Variants in TGIF2 observed in about 807,000 individuals in gnomAD.
TGIF2 encodes homeobox protein TGIF2.
TGIF2 carries 5 observed loss-of-function variants against 15.1 expected under a neutral mutation model. The observed-to-expected ratio is 0.33, with a 90% CI of 0.17 to 0.70. The LOEUF (loss-of-function observed/expected upper bound fraction) is 0.70. Among genes scored for constraint, TGIF2 ranks in the 30% least tolerant of loss-of-function variants. The pLI is 0.67. For synonymous variants in TGIF2, 131 were observed against 128.9 expected, an observed-to-expected ratio of 1.02 and a Z score of -0.11; for missense variants, 264 against 302.5, an observed-to-expected ratio of 0.87 and a Z score of 0.94.
chr20:36,587,691 C>A (rs74604957), intron 2 of TGIF2, among the ~76,000 whole-genome samples: 1 of 152,110 alleles, frequency 6.6e-6, no homozygotes, highest in African/African-American at 2.4e-5. Flanking sequence ...TGAACCTCTC[C>A]GATCTGTTTC....
chr20:36,574,078 T>C (rs2038358981), intron 1 of TGIF2, among the ~76,000 whole-genome samples: 1 of 150,176 alleles, frequency 6.7e-6, no homozygotes, highest in Non-Finnish European at 1.5e-5. Flanking sequence ...GGGGGACGGA[T>C]TTGTTTGGTT....
chr20:36,577,202 ATTTTTTTC>A (rs1456052560), intron 1 of TGIF2, among the ~76,000 whole-genome samples: 1 of 150,074 alleles, frequency 6.7e-6, no homozygotes, highest in Non-Finnish European at 1.5e-5. Context: ...TTATTTTTTT[ATTTTTTTC>A]TTTTGTTGAG....
Position 36,592,539 on chromosome 20 carries a change from A to G in TGIF2, c.*1108A>G, listed in dbSNP as rs1239257169. ...CTCCTACTTGGGAGAAAAGTGAGCC[A>G]TCTGCTGGTCAGGAAGTCCTCCAGA... On this transcript the variant is annotated 3_prime_UTR_variant, in exon 3 of 3. Transcript: ENST00000373872. 6.6e-6 allele frequency: 1 copy of G among 152,600 alleles called. No homozygotes were observed. The highest frequency in any genetic ancestry group is 1.5e-5 in the Non-Finnish European group (1 of 68,054). 9.5% of individuals were successfully genotyped at this position (152,600 alleles called of 1,614,324 possible).
intron 2 of TGIF2, among the ~76,000 whole-genome samples, chr20:36,579,760 A>G (rs1348974663): frequency 1.3e-5 from 2 of 152,150 alleles, no homozygotes; most frequent in East Asian, 3.8e-4. Flanking sequence ...GTAAAGGGGC[A>G]GGGGGTACAC....
chr20:36,583,474 A>G (rs965576413), intron 2 of TGIF2, among the ~76,000 whole-genome samples: 1 of 151,368 alleles, frequency 6.6e-6, no homozygotes, highest in African/African-American at 2.4e-5. Flanking sequence ...GAAAAAAAAA[A>G]AAAAGGCTGG....
At chr20:36,576,130 T>C (rs932521723) in intron 1 of TGIF2, among the ~76,000 whole-genome samples, 1 of 152,058 alleles carries the variant, frequency 6.6e-6, no homozygotes, top group African/African-American at 2.4e-5. Flanking sequence ...AGAAAATCTT[T>C]GTTGCACGTG....
Position 36,593,138 on chromosome 20 carries a change from GT to G in TGIF2, c.*1709del, listed in dbSNP as rs1297185130. 1 of 152,572 alleles carries G rather than the reference GT, an allele frequency of 6.6e-6. No homozygotes were observed. Among genetic ancestry groups the G allele is most frequent in the Non-Finnish European group, 1.5e-5 (1 of 68,028 alleles). The allele number at this position is 152,572 out of a possible 1,614,324, so 9.5% of individuals were successfully genotyped here. On this transcript the variant is annotated 3_prime_UTR_variant, in exon 3 of 3. Coordinates refer to ENST00000373872, the MANE Select transcript of TGIF2 (RefSeq NM_021809.7). ...ATATCCTAAGAAACACTAATCCTAG[GT>G]TATTGCTAGCCAAAATATTTTTGTC...
At chr20:36,589,360 A>G (rs1201932371) in intron 2 of TGIF2, among the ~76,000 whole-genome samples, 4 of 152,020 alleles carry the variant, frequency 2.6e-5, no homozygotes, top group Non-Finnish European at 5.9e-5. Flanking sequence ...AGAAGCCTTG[A>G]AGAGCAGCAG....
At chr20:36,578,687 G>T (rs892408716) in intron 1 of TGIF2, 54 bp from the exon 2 acceptor site, 2 of 1,499,476 alleles carry the variant, frequency 1.3e-6, no homozygotes, top group Admixed American at 2.2e-5. Context: ...TTGGAGACTA[G>T]GAAAAGGCGG....
chr20:36,581,634 G>C (rs1569532265), intron 2 of TGIF2, among the ~76,000 whole-genome samples: 1 of 151,194 alleles, frequency 6.6e-6, no homozygotes, highest in Non-Finnish European at 1.5e-5. Context: ...TTATTTATCT[G>C]TGTGTGTGTG....
chr20:36,588,824 C>G (rs1479184949), intron 2 of TGIF2, among the ~76,000 whole-genome samples: 1 of 152,172 alleles, frequency 6.6e-6, no homozygotes, highest in Non-Finnish European at 1.5e-5. Context: ...AAGACAGGAC[C>G]AGAAGAAGGA....
upstream of TGIF2, chr20:36,573,468 C>G (rs1479705914): frequency 1.4e-5 from 2 of 147,378 alleles, no homozygotes; most frequent in African/African-American, 2.5e-5. Context: ...CGAAGCCCCT[C>G]GGCGCCGACG....
At chr20:36,586,050 C>T (rs918437360) in intron 2 of TGIF2, among the ~76,000 whole-genome samples, 2 of 152,192 alleles carry the variant, frequency 1.3e-5, no homozygotes, top group Non-Finnish European at 2.9e-5. Flanking sequence ...TAGTGGTCAG[C>T]TGTGGGGGAG....
chr20:36,574,439 TGGGGGGGG>T, intron 1 of TGIF2: 1 of 7,990 alleles, frequency 1.3e-4, no homozygotes, highest in South Asian at 5.4e-3. Context: ...GGCGCAGGGC[TGGGGGGGG>T]GGGGGCGGCG....
chr20:36,582,559 A>T (rs2038568540), intron 2 of TGIF2, among the ~76,000 whole-genome samples: 1 of 152,090 alleles, frequency 6.6e-6, no homozygotes, highest in East Asian at 1.9e-4. Context: ...TTAGGCCCCG[A>T]TGCTCCTACT....
In TGIF2 at chr20:36,591,001, G is replaced by A. The variant is rs1431415901; in HGVS notation, c.284G>A (p.Arg95His). The A allele has an allele frequency of 4.4e-6, 7 of 1,589,640 alleles. No homozygotes were observed. Among genetic ancestry groups the A allele is most frequent in the South Asian group, 1.1e-5 (1 of 89,676 alleles). ...GKDPNQFTIS[R>H]RGGKASDVAL... Reference sequence around the variant, plus strand: ...GACCCTAATCAGTTTACCATTTCCCGCCGCGGGGGTAAGGCCTCAGATGTG... The same window carrying A: ...GACCCTAATCAGTTTACCATTTCCCACCGCGGGGGTAAGGCCTCAGATGTG... Residue 95 changes from arginine (R) to histidine (H), a missense_variant, in exon 3 of 3, where the codon CGC becomes CAC. Transcript: ENST00000373872. This position sits in a 1 kb window ranked among gnomAD's most constrained non-coding sequence, Gnocchi z 5.3.
chr20:36,582,002 G>A (rs368590509), intron 2 of TGIF2, among the ~76,000 whole-genome samples: 141 of 152,200 alleles, frequency 9.3e-4, no homozygotes, highest in South Asian at 3.7e-3. Context: ...TTGCGAGGCC[G>A]ATGCGGGCGG....
chr20:36,584,212 C>G lies in TGIF2; in HGVS notation c.192+5246C>G, dbSNP rs1401972852. 2.6e-5 allele frequency among the ~76,000 whole-genome samples: 4 copies of G among 152,232 alleles called. No individual in the cohort carries two copies. The East Asian group carries it at 7.7e-4, about 29-fold the overall frequency. The stretch of plus-strand genomic sequence containing the variant: ...AGACCATTTTCCTCCCACCCCTGAC[C>G]AGGAGGCTCCCAGTCCCTAAAGGAG... On this transcript the variant is annotated intron_variant, in intron 2 of 2. Coordinates refer to ENST00000373872, the MANE Select transcript of TGIF2 (RefSeq NM_021809.7).
In TGIF2 at chr20:36,579,258, G is replaced by A. The variant is rs8125281; in HGVS notation, c.192+292G>A. ...GCGATCTCGGCTCACTGCAACCTCC[G>A]CCTCCCGGGTTCGAGTGATTCTCCT... On this transcript the variant is annotated intron_variant, in intron 2 of 2. Coordinates refer to ENST00000373872, the MANE Select transcript of TGIF2 (RefSeq NM_021809.7). Among the ~76,000 whole-genome samples the A allele has an allele frequency of 6.1e-3, 931 of 152,140 alleles. 10 individuals are homozygous for A. The highest frequency in any genetic ancestry group is 0.022 in the African/African-American group (897 of 41,492).
Sources: allele counts gnomAD v4.1 joint callset (sites outside exome capture counted in the v4.1 genomes callset), GRCh38; gene constraint gnomAD v4.1.1; non-coding constraint Gnocchi (gnomAD v3.1); transcripts MANE v1.5; gene names NCBI Gene and HGNC (gene_info 2026-07-23, HGNC 2026-07-21).